Variants in DCLK1 observed in about 807,000 individuals in gnomAD.
DCLK1 encodes serine/threonine-protein kinase DCLK1.
Under a neutral mutation model 86.2 loss-of-function variants are expected in DCLK1, and 16 were observed. The observed-to-expected ratio is 0.19, with a 90% CI of 0.13 to 0.28. The LOEUF is 0.28. DCLK1 is among the 10% of genes least tolerant of loss of function. The pLI, the probability that DCLK1 is intolerant of heterozygous loss-of-function variation, is 1.00. For missense variants in DCLK1, 590 were observed against 940.2 expected, an observed-to-expected ratio of 0.63 and a Z score of 4.87; for synonymous variants, 369 against 370.5, an observed-to-expected ratio of 1.00 and a Z score of 0.05.
intron 3 of DCLK1, among the ~76,000 whole-genome samples, chr13:35,993,907 G>A (rs1357908791): frequency 2.6e-5 from 4 of 151,602 alleles, no homozygotes; most frequent in Non-Finnish European, 5.9e-5. Context: ...TCTCTTCAAA[G>A]CCAAAGTCTT....
At chr13:35,938,638 A>G (rs914845355) in intron 4 of DCLK1, among the ~76,000 whole-genome samples, 1 of 151,960 alleles carries the variant, frequency 6.6e-6, no homozygotes, top group Non-Finnish European at 1.5e-5. Context: ...CAAAAAAAAA[A>G]AGCCCTAGCG....
intron 5 of DCLK1, among the ~76,000 whole-genome samples, chr13:35,859,656 G>A (rs1046020083): frequency 3.3e-5 from 5 of 150,886 alleles, no homozygotes; most frequent in African/African-American, 1.2e-4. Flanking sequence ...TTTCAGACAG[G>A]TGAACCAACT....
chr13:36,071,926 T>C (rs951201902), intron 3 of DCLK1, among the ~76,000 whole-genome samples: 2 of 152,162 alleles, frequency 1.3e-5, no homozygotes, highest in Non-Finnish European at 2.9e-5. Flanking sequence ...AAAATATCAG[T>C]AAAGATATAT....
intron 3 of DCLK1, among the ~76,000 whole-genome samples, chr13:36,020,807 C>T (rs564011530): frequency 6.6e-6 from 1 of 151,898 alleles, no homozygotes; most frequent in South Asian, 2.1e-4. Flanking sequence ...CAAAGAAAAA[C>T]CCCAAACAGA....
intron 2 of DCLK1, among the ~76,000 whole-genome samples, chr13:36,120,726 A>G (rs957846918): frequency 6.6e-6 from 1 of 152,236 alleles, no homozygotes; most frequent in African/African-American, 2.4e-5. Flanking sequence ...GAGGCAATGC[A>G]CAGAAAATGA....
intron 3 of DCLK1, among the ~76,000 whole-genome samples, chr13:36,079,483 T>A (rs1190015175): frequency 1.3e-5 from 2 of 151,838 alleles, no homozygotes; most frequent in Non-Finnish European, 2.9e-5. Flanking sequence ...TACAAAAAAA[T>A]TAGCCGGGCA....
chr13:35,847,943 CTATAG>C, intron 6 of DCLK1: 1 of 985,278 alleles, frequency 1.0e-6, no homozygotes, highest in Non-Finnish European at 1.2e-6. Flanking sequence ...GCTTTCAGCA[CTATAG>C]TCTTTTGAGT....
intron 3 of DCLK1, among the ~76,000 whole-genome samples, chr13:35,969,646 C>G (rs548600521): frequency 3.2e-4 from 49 of 152,314 alleles, no homozygotes; most frequent in African/African-American, 1.1e-3. Context: ...GCATGTTTCC[C>G]TATCAGGGTT....
At chr13:36,123,823 C>T (rs2138215617) in intron 2 of DCLK1, among the ~76,000 whole-genome samples, 1 of 152,364 alleles carries the variant, frequency 6.6e-6, no homozygotes, top group South Asian at 2.1e-4. Context: ...ACATCAGTCC[C>T]TCAGAGAAAG....
chr13:35,886,007 CTTT>C (rs10589320), intron 4 of DCLK1, among the ~76,000 whole-genome samples: 10 of 130,712 alleles, frequency 7.7e-5, no homozygotes, highest in Non-Finnish European at 9.6e-5. Flanking sequence ...GAATAGGTTC[CTTT>C]TTTTTTTTTT....
intron 3 of DCLK1, among the ~76,000 whole-genome samples, chr13:35,989,202 G>A (rs924385084): frequency 1.3e-5 from 2 of 152,112 alleles, no homozygotes; most frequent in Non-Finnish European, 2.9e-5. Context: ...CATGTGTAGT[G>A]GAACAGCTTG....
chr13:36,006,756 T>C (rs532188164), intron 3 of DCLK1, among the ~76,000 whole-genome samples: 5 of 152,324 alleles, frequency 3.3e-5, no homozygotes, highest in Admixed American at 2.0e-4. Flanking sequence ...AGTATGAAGT[T>C]TGGATCTAGA....
At chr13:36,077,937 T>C (rs1026885818) in intron 3 of DCLK1, among the ~76,000 whole-genome samples, 1 of 152,224 alleles carries the variant, frequency 6.6e-6, no homozygotes, top group East Asian at 1.9e-4. Context: ...GTCATAATCA[T>C]TGGATTTTCT....
At chr13:36,041,782 C>G (rs1882710374) in intron 3 of DCLK1, among the ~76,000 whole-genome samples, 2 of 152,124 alleles carry the variant, frequency 1.3e-5, no homozygotes, top group Non-Finnish European at 2.9e-5. Context: ...GTTACCTATA[C>G]TTCAATCCAC....
At chr13:36,068,996 A>G (rs1883866620) in intron 3 of DCLK1, among the ~76,000 whole-genome samples, 1 of 152,230 alleles carries the variant, frequency 6.6e-6, no homozygotes, top group Non-Finnish European at 1.5e-5. Context: ...TTAATAATAT[A>G]ATGTCACTTT....
At chr13:35,863,918 T>C (rs1465097416) in intron 5 of DCLK1, among the ~76,000 whole-genome samples, 1 of 152,210 alleles carries the variant, frequency 6.6e-6, no homozygotes, top group Non-Finnish European at 1.5e-5. Flanking sequence ...ATAAAAAGAC[T>C]TCAGGATTTC....
intron 4 of DCLK1, among the ~76,000 whole-genome samples, chr13:35,937,799 T>G (rs1876846490): frequency 6.6e-6 from 1 of 152,132 alleles, no homozygotes. Context: ...TAACAAATGA[T>G]CAGGTTGAAG....
intron 6 of DCLK1, among the ~76,000 whole-genome samples, chr13:35,853,574 G>A (rs537088318): frequency 1.3e-5 from 2 of 152,292 alleles, no homozygotes; most frequent in South Asian, 2.1e-4. Context: ...TGGATGACAC[G>A]TAATTTTGTG....
intron 3 of DCLK1, among the ~76,000 whole-genome samples, chr13:36,075,250 T>C (rs1173831334): frequency 1.3e-5 from 2 of 152,252 alleles, no homozygotes; most frequent in African/African-American, 4.8e-5. Flanking sequence ...GATAATTCTA[T>C]TGACTCTGCT....
Sources: allele counts gnomAD v4.1 joint callset (sites outside exome capture counted in the v4.1 genomes callset), GRCh38; gene constraint gnomAD v4.1.1; transcripts MANE v1.5; gene names NCBI Gene and HGNC (gene_info 2026-07-23, HGNC 2026-07-21).